COG3: variants seen among roughly 807,000 people sequenced by gnomAD.
The protein encoded by COG3 is conserved oligomeric Golgi complex subunit 3.
Under a neutral mutation model 114.1 loss-of-function variants are expected in COG3, and 32 were observed. That is an observed-to-expected ratio of 0.28 (90% CI 0.21 to 0.38). The LOEUF is 0.38. Ranked by LOEUF, COG3 falls within the 10% of genes least tolerant of loss-of-function variation. The pLI is 1.00. For missense variants in COG3, 813 were observed against 973.2 expected (o/e 0.84, Z 2.19); for synonymous variants, 352 against 365.7 (o/e 0.96, Z 0.43).
chr13:45,499,254 C>T (rs1208562745), intron 13 of COG3, among the ~76,000 whole-genome samples: 1 of 152,090 alleles, frequency 6.6e-6, no homozygotes, highest in East Asian at 1.9e-4. Flanking sequence ...TGTATTTACT[C>T]ATTTGCTTCA....
intron 4 of COG3, among the ~76,000 whole-genome samples, chr13:45,480,565 T>C (rs1886186908): frequency 6.6e-6 from 1 of 152,140 alleles, no homozygotes; most frequent in Non-Finnish European, 1.5e-5. Flanking sequence ...TCTTTATTAC[T>C]GACACTTTTA....
chr13:45,527,742 T>A (rs933707158), intron 20 of COG3, among the ~76,000 whole-genome samples: 2 of 152,278 alleles, frequency 1.3e-5, no homozygotes, highest in African/African-American at 4.8e-5. Flanking sequence ...ACTCTCTGCT[T>A]ATCAAGGGCT....
At chr13:45,511,318 A>G (rs1038145725) in intron 15 of COG3, among the ~76,000 whole-genome samples, 6 of 152,370 alleles carry the variant, frequency 3.9e-5, no homozygotes, top group African/African-American at 1.4e-4. Context: ...TGTTCTAAAT[A>G]ATACTGTAAT....
At chr13:45,491,570 A>G in intron 10 of COG3, 32 bp downstream of exon 10, 1 of 1,600,676 alleles carries the variant, frequency 6.2e-7, no homozygotes, top group Non-Finnish European at 8.5e-7. Flanking sequence ...TTTAATGTTA[A>G]ATCTTCCTCT....
chr13:45,487,756 C>G (rs3014946), intron 8 of COG3, among the ~76,000 whole-genome samples: 136,317 of 152,242 alleles, frequency 0.9, 61,150 homozygotes, highest in African/African-American at 0.93. Context: ...AGGATGCAGA[C>G]AAAAGGAAAT....
intron 19 of COG3, among the ~76,000 whole-genome samples, chr13:45,519,332 A>G (rs1871863073): frequency 6.6e-6 from 1 of 152,178 alleles, no homozygotes; most frequent in Admixed American, 6.5e-5. Flanking sequence ...AAAGCTAGTT[A>G]TAGCTGACCC....
chr13:45,500,533 AT>A (rs1869411745), intron 13 of COG3, among the ~76,000 whole-genome samples: 1 of 152,008 alleles, frequency 6.6e-6, no homozygotes, highest in Non-Finnish European at 1.5e-5. Context: ...AATTTCTTTT[AT>A]TTTTATTTTT....
intron 20 of COG3, among the ~76,000 whole-genome samples, chr13:45,525,633 G>GTTTTTTTTTTT (rs1566273037): frequency 7.2e-4 from 10 of 13,918 alleles, no homozygotes; most frequent in African/African-American, 3.6e-3. Flanking sequence ...GAGGGCTTTG[G>GTTTTTTTTTTT]GTTTTTTTTT....
At chr13:45,500,322 T>C (rs962157668) in intron 13 of COG3, among the ~76,000 whole-genome samples, 1 of 152,104 alleles carries the variant, frequency 6.6e-6, no homozygotes, top group African/African-American at 2.4e-5. Context: ...TAATCTTGCT[T>C]AATTAGTTTA....
chr13:45,506,229 C>T (rs1870130299), intron 14 of COG3, among the ~76,000 whole-genome samples: 1 of 151,800 alleles, frequency 6.6e-6, no homozygotes, highest in Non-Finnish European at 1.5e-5. Context: ...CATCCTAGGA[C>T]AGATTGTAGA....
At chr13:45,488,327 T>C (rs1280659616) in intron 8 of COG3, among the ~76,000 whole-genome samples, 1 of 152,124 alleles carries the variant, frequency 6.6e-6, no homozygotes, top group East Asian at 1.9e-4. Context: ...AGGATGACTG[T>C]AGTTAACAAT....
At chr13:45,486,633 A>T (rs1423776624) in intron 8 of COG3, 58 bp downstream of exon 8, 2 of 986,872 alleles carry the variant, frequency 2.0e-6, no homozygotes, top group Middle Eastern at 2.1e-4. Flanking sequence ...TGCCCTTTTG[A>T]AGTACTGTTG....
intron 6 of COG3, 131 bp downstream of exon 6, chr13:45,482,604 T>G: frequency 2.0e-6 from 1 of 489,770 alleles, no homozygotes; most frequent in Non-Finnish European, 3.6e-6. Flanking sequence ...TGCTGTAAAG[T>G]GATTATTTCT....
chr13:45,516,567 G>A (rs1317098514), intron 17 of COG3, among the ~76,000 whole-genome samples: 1 of 152,200 alleles, frequency 6.6e-6, no homozygotes, highest in Non-Finnish European at 1.5e-5. Context: ...TGCTTCCTAA[G>A]TAAGTAATGT....
intron 14 of COG3, among the ~76,000 whole-genome samples, chr13:45,505,305 C>CT (rs34378614): frequency 0.71 from 102,646 of 145,164 alleles, 37,734 homozygotes; most frequent in Middle Eastern, 0.82. Flanking sequence ...ATCCTGCTTC[C>CT]TTTTTTTTTT....
intron 12 of COG3, among the ~76,000 whole-genome samples, chr13:45,495,668 C>T (rs1325051170): frequency 6.6e-6 from 1 of 152,196 alleles, no homozygotes; most frequent in East Asian, 1.9e-4. Flanking sequence ...GTGTGAGCCA[C>T]TGCGCCTTGC....
chr13:45,486,620 A>T (rs560165700), intron 8 of COG3, 45 bp downstream of exon 8: 2 of 1,163,686 alleles, frequency 1.7e-6, no homozygotes, highest in African/African-American at 3.0e-5. Flanking sequence ...AAATTTGTTC[A>T]TCTGCCCTTT....
At chr13:45,472,776 T>C (rs183940007) in intron 1 of COG3, among the ~76,000 whole-genome samples, 22 of 152,384 alleles carry the variant, frequency 1.4e-4, no homozygotes, top group African/African-American at 4.6e-4. Context: ...TTTAACATGT[T>C]AATCACAGTT....
chr13:45,518,622 A>G (rs554108691), intron 17 of COG3, 140 bp from the exon 18 acceptor site: 24 of 625,026 alleles, frequency 3.8e-5, no homozygotes, highest in Admixed American at 5.9e-5. Flanking sequence ...TGCTCATCTC[A>G]CTCTCAGCCT....
Sources: gnomAD v4.1 joint callset for allele counts (sites outside exome capture counted in the v4.1 genomes callset) on GRCh38, gnomAD v4.1.1 for gene constraint, MANE v1.5 for transcripts, NCBI Gene and HGNC (gene_info 2026-07-23, HGNC 2026-07-21) for gene names.